Variants in SHANK1 observed in about 807,000 individuals in gnomAD.
The protein encoded by SHANK1 is SH3 and multiple ankyrin repeat domains protein 1.
SHANK1 carries 35 observed loss-of-function variants against 165.6 expected under a neutral mutation model. The ratio of observed to expected loss-of-function variants is 0.21; its 90% CI spans 0.16 to 0.28. The LOEUF (loss-of-function observed/expected upper bound fraction) is 0.28, where lower values mean the gene tolerates loss of function less well. Among genes scored for constraint, SHANK1 ranks in the 10% least tolerant of loss-of-function variants. The pLI is 1.00. For missense variants in SHANK1, 2,681 were observed against 3,036.4 expected, an observed-to-expected ratio of 0.88 and a Z score of 2.75; for synonymous variants, 1,428 against 1,384.8, an observed-to-expected ratio of 1.03 and a Z score of -0.69.
At chr19:50,665,566 CAAAAAAAAA>C (rs141839934) in intron 23 of SHANK1, among the ~76,000 whole-genome samples, 3 of 47,636 alleles carry the variant, frequency 6.3e-5, no homozygotes, top group East Asian at 6.6e-4. Context: ...GACTCTGTCT[CAAAAAAAAA>C]AAAAAAAAAA....
At position 50,661,938 on chromosome 19, in the gene SHANK1, A is replaced by G; in HGVS notation, c.*27T>C. The G allele has an allele frequency of 6.2e-7, 1 of 1,612,240 alleles. No individual in the cohort carries two copies. The highest frequency in any genetic ancestry group is 8.5e-7 in the Non-Finnish European group (1 of 1,179,354). ...GCCAGCAGGCTCAAGAGTTCTGTGG[A>G]CGGGGCTGGTCCGTCCAGGCCAGCC... On this transcript the variant is annotated 3_prime_UTR_variant, in exon 24 of 24. Coordinates refer to ENST00000293441, the MANE Select transcript of SHANK1 (RefSeq NM_016148.5).
rs1482380599 is a variant in SHANK1 at position 50,672,125 on chromosome 19, G to C, written c.2578-11C>G. ...GGGATCGAAGCTCGACTTTGGAGCG[G>C]CAGTCAGAGGGGGAGAGAGAGAAAA... On this transcript the variant is annotated splice_polypyrimidine_tract_variant and intron_variant, in intron 21 of 23. Transcript: ENST00000293441. The C allele has an allele frequency of 1.2e-6, 2 of 1,603,862 alleles. No individual in the cohort carries two copies. The highest frequency in any genetic ancestry group is 3.3e-5 in the Admixed American group (2 of 59,780).
intron 8 of SHANK1, 77 bp downstream of exon 8, chr19:50,711,294 G>T: frequency 1.1e-6 from 1 of 877,790 alleles, no homozygotes. Context: ...GCAGTCAAGA[G>T]GAGTGTCTGA....
intron 21 of SHANK1, among the ~76,000 whole-genome samples, chr19:50,678,090 C>G (rs1217955620): frequency 6.6e-6 from 1 of 152,142 alleles, no homozygotes; most frequent in African/African-American, 2.4e-5. Flanking sequence ...GATCCTCACA[C>G]CTGTGAGTTA....
intron 15 of SHANK1, among the ~76,000 whole-genome samples, chr19:50,695,086 C>CCCGCCGCCG (rs768896742): frequency 2.7e-5 from 4 of 145,824 alleles, no homozygotes; most frequent in Non-Finnish European, 4.6e-5. Context: ...GCCGGCCGCC[C>CCCGCCGCCG]CCGCCGCCGC....
chr19:50,702,496 A>G lies in SHANK1; in HGVS notation c.1718T>C (p.Ile573Thr), dbSNP rs1568441246. Residue 573 changes from isoleucine (I) to threonine (T), a missense_variant, in exon 12 of 24, where the codon ATC becomes ACC. Coordinates refer to ENST00000293441, the MANE Select transcript of SHANK1 (RefSeq NM_016148.5). The surrounding 1 kb of genome is among the most constrained non-coding windows in gnomAD (Gnocchi z 5.3). ...GATCTTCTCGCCCTTGCTCAGGGAG[A>G]TCTCCCCCTCGGCTTGGGCCTGGTA... ...KSYQAQAEGEISLSKGEKIKV... is the reference protein window; with the variant it reads ...KSYQAQAEGETSLSKGEKIKV... 1 of 1,612,546 alleles carries G rather than the reference A, an allele frequency of 6.2e-7. No individual in the cohort carries two copies. The highest frequency in any genetic ancestry group is 8.5e-7 in the Non-Finnish European group (1 of 1,179,680).
At chr19:50,674,095 A>ATTTT (rs35496340) in intron 21 of SHANK1, among the ~76,000 whole-genome samples, 15 of 143,848 alleles carry the variant, frequency 1.0e-4, no homozygotes, top group Admixed American at 7.6e-4. Context: ...GTGTTGGCCT[A>ATTTT]TTTTTTTTTT....
chr19:50,684,980 A>G (rs1180176677), intron 21 of SHANK1, among the ~76,000 whole-genome samples: 1 of 152,212 alleles, frequency 6.6e-6, no homozygotes, highest in Non-Finnish European at 1.5e-5. Flanking sequence ...TTATTCTGAG[A>G]AGGACCACGG....
rs1985136988 is a variant in SHANK1 at position 50,660,091 on chromosome 19, G to T, written c.*1874C>A. 6.8e-6 allele frequency among the ~76,000 whole-genome samples: 1 copy of T among 148,062 alleles called. No individual in the cohort carries two copies. Among genetic ancestry groups the T allele is most frequent in the Admixed American group, 6.6e-5 (1 of 15,114 alleles). Reference sequence around the variant, plus strand: ...GGGGAATGGGCTTGGGGAAGGAGGGGGAGCTCCCTTCTTTGGCAGCTGAAC... The same window carrying T: ...GGGGAATGGGCTTGGGGAAGGAGGGTGAGCTCCCTTCTTTGGCAGCTGAAC... On this transcript the variant is annotated 3_prime_UTR_variant, in exon 24 of 24. Transcript: ENST00000293441.
intron 9 of SHANK1, 82 bp downstream of exon 9, chr19:50,704,355 G>A: frequency 1.4e-6 from 2 of 1,395,640 alleles, no homozygotes; most frequent in Non-Finnish European, 2.0e-6. Flanking sequence ...TTTCCTCATT[G>A]TCCCCTTCCT....
Position 50,688,495 on chromosome 19 carries a change from A to G in SHANK1, c.2172+349T>C, listed in dbSNP as rs1986432318. 1.3e-5 allele frequency among the ~76,000 whole-genome samples: 2 copies of G among 151,518 alleles called. No homozygotes were observed. Among genetic ancestry groups the G allele is most frequent in the African/African-American group, 4.9e-5 (2 of 41,186 alleles). The stretch of plus-strand genomic sequence containing the variant: ...CACCGGCTAATTTTTTTTTTAAGAG[A>G]CAGGATCTTGCTATGTTGCCCAGGC... On this transcript the variant is annotated intron_variant, in intron 17 of 23. Transcript: ENST00000293441. This position sits in a 1 kb window ranked among gnomAD's most constrained non-coding sequence, Gnocchi z 6.7.
In SHANK1 at chr19:50,680,259, T is replaced by C. The variant is rs188306821; in HGVS notation, c.2577+5978A>G. 1.3e-3 allele frequency among the ~76,000 whole-genome samples: 203 copies of C among 150,698 alleles called. No individual in the cohort carries two copies. The South Asian group carries it at 0.022, about 17-fold the overall frequency. Reference sequence around the variant, plus strand: ...GATGAGAGGGGAAATGAGAGGGCGATGGGAAGCATGGGAAGCAGGAAGAGC... The same window carrying C: ...GATGAGAGGGGAAATGAGAGGGCGACGGGAAGCATGGGAAGCAGGAAGAGC... On this transcript the variant is annotated intron_variant, in intron 21 of 23. Coordinates refer to ENST00000293441, the MANE Select transcript of SHANK1 (RefSeq NM_016148.5).
At chr19:50,680,669 TCC>T (rs113467670) in intron 21 of SHANK1, among the ~76,000 whole-genome samples, 25,518 of 148,422 alleles carry the variant, frequency 0.17, 4,382 homozygotes, top group African/African-American at 0.45. Flanking sequence ...TTTTTTTTTT[TCC>T]CCGAGACAGA....
At chr19:50,669,911 G>A (rs1490383422) in intron 22 of SHANK1, among the ~76,000 whole-genome samples, 2 of 152,134 alleles carry the variant, frequency 1.3e-5, no homozygotes, top group African/African-American at 4.8e-5. Context: ...TCCAGGAGGC[G>A]TGCAGGAGTT....
At chr19:50,689,638 G>T (rs965357936) in intron 15 of SHANK1, among the ~76,000 whole-genome samples, 7 of 152,178 alleles carry the variant, frequency 4.6e-5, no homozygotes, top group African/African-American at 1.4e-4. Context: ...ATGACCTTGA[G>T]CCCACAACTT....
chr19:50,692,690 C>T (rs1377085426), intron 15 of SHANK1, among the ~76,000 whole-genome samples: 1 of 151,812 alleles, frequency 6.6e-6, no homozygotes, highest in East Asian at 1.9e-4. Context: ...TGCTCTCTTG[C>T]TCCCACAGCT....
intron 15 of SHANK1, among the ~76,000 whole-genome samples, chr19:50,691,636 C>T (rs985559484): frequency 6.6e-6 from 1 of 152,300 alleles, no homozygotes; most frequent in East Asian, 1.9e-4. Context: ...TCATAACCAG[C>T]CTCTGGGGCA....
At chr19:50,687,147 C>A (rs1417032354) in intron 19 of SHANK1, 3 of 616,870 alleles carry the variant, frequency 4.9e-6, no homozygotes, top group South Asian at 2.9e-5. Flanking sequence ...GGGGTGGGGG[C>A]GGTCAGCTGT....
intron 21 of SHANK1, among the ~76,000 whole-genome samples, chr19:50,685,274 G>A (rs116474967): frequency 6.6e-6 from 1 of 152,196 alleles, no homozygotes; most frequent in African/African-American, 2.4e-5. Context: ...CCCCTACCAG[G>A]ATAGCCAGGG....
Sources: gnomAD v4.1 joint callset for allele counts (sites outside exome capture counted in the v4.1 genomes callset) on GRCh38, gnomAD v4.1.1 for gene constraint, Gnocchi (gnomAD v3.1) non-coding constraint, MANE v1.5 for transcripts, NCBI Gene and HGNC (gene_info 2026-07-23, HGNC 2026-07-21) for gene names.